The following FSTL4 variants were observed in gnomAD, a reference collection of about 807,000 sequenced individuals.
FSTL4 encodes the protein follistatin-related protein 4.
A neutral mutation model predicts 78.2 loss-of-function variants in FSTL4; 28 were observed. The observed-to-expected ratio is 0.36, with a 90% confidence interval of 0.27 to 0.49. The LOEUF is 0.49. Among genes scored for constraint, FSTL4 ranks in the 20% least tolerant of loss-of-function variants. FSTL4 has a pLI of 0.98. For synonymous variants in FSTL4, 422 were observed against 440.5 expected (o/e 0.96, Z 0.53); for missense variants, 922 against 1,084.9 (o/e 0.85, Z 2.11).
intron 6 of FSTL4, among the ~76,000 whole-genome samples, chr5:133,252,966 T>G (rs1752297226): frequency 1.3e-5 from 2 of 152,174 alleles, no homozygotes; most frequent in South Asian, 4.1e-4. Context: ...AAAATTAGAA[T>G]GTGTGAATAC....
chr5:133,763,769 G>C, the FSTL4 span, among the ~76,000 whole-genome samples: 1 of 152,222 alleles, frequency 6.6e-6, no homozygotes, highest in East Asian at 1.9e-4. Flanking sequence ...TATGAAGTGA[G>C]GAGGCAGGTG....
At chr5:133,349,451 C>A (rs897292304) in intron 4 of FSTL4, among the ~76,000 whole-genome samples, 1 of 152,200 alleles carries the variant, frequency 6.6e-6, no homozygotes, top group African/African-American at 2.4e-5. Flanking sequence ...AAGAGTGCAG[C>A]CAGCACAGCA....
chr5:133,634,813 G>A, the FSTL4 span, among the ~76,000 whole-genome samples: 3 of 152,088 alleles, frequency 2.0e-5, no homozygotes, highest in Non-Finnish European at 4.4e-5. Context: ...TTCCCCCACC[G>A]TTCTTTGTCT....
chr5:133,500,421 A>T (rs928225884), intron 3 of FSTL4, among the ~76,000 whole-genome samples: 2 of 152,168 alleles, frequency 1.3e-5, no homozygotes, highest in Non-Finnish European at 2.9e-5. Flanking sequence ...TATCGGTTCA[A>T]TTCCTTCCTC....
the FSTL4 span, among the ~76,000 whole-genome samples, chr5:133,833,642 G>A: frequency 1.3e-5 from 2 of 152,174 alleles, no homozygotes; most frequent in Admixed American, 6.5e-5. Context: ...TAACCCAAGA[G>A]ATGAGTAGGA....
chr5:133,442,939 G>A (rs1757188475), intron 3 of FSTL4, among the ~76,000 whole-genome samples: 1 of 152,210 alleles, frequency 6.6e-6, no homozygotes, highest in Non-Finnish European at 1.5e-5. Context: ...ATCTTAATAA[G>A]TTTAATAAAT....
chr5:133,437,485 G>GTTTTTTTT (rs11401684), intron 3 of FSTL4, among the ~76,000 whole-genome samples: 4 of 95,368 alleles, frequency 4.2e-5, no homozygotes, highest in Admixed American at 1.3e-4. Context: ...GTAAATAGGT[G>GTTTTTTTT]TTTTTTTTTT....
the FSTL4 span, among the ~76,000 whole-genome samples, chr5:133,660,627 T>C: frequency 6.6e-6 from 1 of 152,172 alleles, no homozygotes; most frequent in African/African-American, 2.4e-5. Context: ...ATTCATAAGG[T>C]GCCCACCCTG....
At position 133,426,518 on chromosome 5, in the gene FSTL4, A is replaced by T. The variant is rs1373731764; in HGVS notation, c.161-25532T>A. Reference sequence around the variant, plus strand: ...AAGAGACTAACAATTCTGATCCCTCATAACGGAGCTCTCATGGCCAATTAG... The same window carrying T: ...AAGAGACTAACAATTCTGATCCCTCTTAACGGAGCTCTCATGGCCAATTAG... On this transcript the variant is annotated intron_variant, in intron 3 of 15. Coordinates refer to ENST00000265342, the MANE Select transcript of FSTL4 (RefSeq NM_015082.2). This position sits in a 1 kb window ranked among gnomAD's most constrained non-coding sequence, Gnocchi z 5.0. 6.6e-6 allele frequency among the ~76,000 whole-genome samples: 1 copy of T among 152,214 alleles called. No homozygotes were observed. The highest frequency in any genetic ancestry group is 1.5e-5 in the Non-Finnish European group (1 of 68,022).
chr5:133,303,835 C>G (rs1327633579), intron 6 of FSTL4, among the ~76,000 whole-genome samples: 2 of 152,218 alleles, frequency 1.3e-5, no homozygotes, highest in Admixed American at 6.5e-5. Flanking sequence ...TGGGTCTTCT[C>G]TACACCTCAG....
At chr5:133,751,961 T>G in the FSTL4 span, among the ~76,000 whole-genome samples, 2 of 152,166 alleles carry the variant, frequency 1.3e-5, no homozygotes, top group African/African-American at 2.4e-5. Flanking sequence ...ACATCATCCC[T>G]TCTCCACCGT....
intron 4 of FSTL4, among the ~76,000 whole-genome samples, chr5:133,360,929 C>T (rs1580648747): frequency 6.6e-6 from 1 of 152,134 alleles, no homozygotes; most frequent in South Asian, 2.1e-4. Context: ...TTGCATTTAC[C>T]GTGTATTCCT....
intron 4 of FSTL4, among the ~76,000 whole-genome samples, chr5:133,395,032 A>G (rs1291513256): frequency 1.3e-5 from 2 of 152,158 alleles, no homozygotes; most frequent in African/African-American, 2.4e-5. Flanking sequence ...TAAACACACC[A>G]ATCAGCACCC....
At chr5:133,301,564 C>T (rs78318261) in intron 6 of FSTL4, among the ~76,000 whole-genome samples, 4,097 of 152,258 alleles carry the variant, frequency 0.027, 87 homozygotes, top group Middle Eastern at 0.061. Context: ...CACTGCCCAT[C>T]GCACCACCTG....
At chr5:133,457,441 C>G (rs1013426913) in intron 3 of FSTL4, among the ~76,000 whole-genome samples, 1 of 152,212 alleles carries the variant, frequency 6.6e-6, no homozygotes, top group Non-Finnish European at 1.5e-5. Flanking sequence ...CCCCTTTCCC[C>G]GCACAAACAA....
intron 3 of FSTL4, among the ~76,000 whole-genome samples, chr5:133,478,431 G>C (rs757589464): frequency 1.3e-5 from 2 of 151,508 alleles, no homozygotes; most frequent in Non-Finnish European, 3.0e-5. Context: ...AGCATCCGTA[G>C]CTGTGGTAAC....
At position 133,517,439 on chromosome 5, in the gene FSTL4, A is replaced by ATATATAT. The variant is rs1221892095; in HGVS notation, c.160+49746_160+49747insATATATA. Among the ~76,000 whole-genome samples the ATATATAT allele has an allele frequency of 2.1e-3, 69 of 32,118 alleles. 6 individuals carry two copies. Among genetic ancestry groups the ATATATAT allele is most frequent in the African/African-American group, 9.9e-3 (65 of 6,560 alleles). 21.1% of individuals were successfully genotyped at this position (32,118 alleles called of 152,430 possible). On this transcript the variant is annotated intron_variant, in intron 3 of 15. Coordinates refer to ENST00000265342, the MANE Select transcript of FSTL4 (RefSeq NM_015082.2). ...CTCCATCTCAAAAAAAAAAAAAAAAAAAAAAAAAATATATATATATATATG... is the reference window on the plus strand; with the variant it reads ...CTCCATCTCAAAAAAAAAAAAAAAAATATATATAAAAAAAAATATATATATATATATG...
the FSTL4 span, among the ~76,000 whole-genome samples, chr5:133,763,289 T>C: frequency 6.6e-6 from 1 of 152,222 alleles, no homozygotes; most frequent in African/African-American, 2.4e-5. Flanking sequence ...ATTGAGAGTA[T>C]GTTAAGCCAG....
chr5:133,206,854 C>T (rs545697803), intron 14 of FSTL4, among the ~76,000 whole-genome samples: 1 of 152,054 alleles, frequency 6.6e-6, no homozygotes. Flanking sequence ...TTAAATACTT[C>T]CTTTTCAGGC....
Sources: gnomAD v4.1 joint callset for allele counts (sites outside exome capture counted in the v4.1 genomes callset) on GRCh38, gnomAD v4.1.1 for gene constraint, Gnocchi (gnomAD v3.1) non-coding constraint, MANE v1.5 for transcripts, NCBI Gene and HGNC (gene_info 2026-07-23, HGNC 2026-07-21) for gene names.